The following TTC21B variants were observed in gnomAD, a reference collection of about 807,000 sequenced individuals.
The protein encoded by TTC21B is tetratricopeptide repeat domain 21B.
Under a neutral mutation model 175.1 loss-of-function variants are expected in TTC21B, and 127 were observed. The ratio of observed to expected loss-of-function variants is 0.73; its 90% CI spans 0.63 to 0.84. The LOEUF (loss-of-function observed/expected upper bound fraction) is 0.84. Among genes scored for constraint, TTC21B ranks in the 40% least tolerant of loss-of-function variants. The pLI, the probability that TTC21B is intolerant of heterozygous loss-of-function variation, is 0.00. For synonymous variants in TTC21B, 524 were observed against 524.5 expected (o/e 1.00, Z 0.01); for missense variants, 1,561 against 1,558.3 (o/e 1.00, Z -0.03).
intron 17 of TTC21B, among the ~76,000 whole-genome samples, 170 bp from the exon 18 acceptor site, chr2:165,911,635 G>GATCAT (rs1224489691): frequency 6.6e-6 from 1 of 151,552 alleles, no homozygotes; most frequent in African/African-American, 2.4e-5. Context: ...TCAGAGAATA[G>GATCAT]ATCATCACAT....
rs138361451 is a variant in TTC21B, at chr2:165,898,699, T to C, written c.2937A>G (p.Leu979=). The change falls in exon 22 of 29, where the codon TTA becomes TTG. Residue 979 remains leucine, a synonymous_variant. Transcript: ENST00000243344. The part of the protein sequence containing the change: ...EQAVFHLQQL[L]ERKPDNYMTL... ...GTAGGTATTTACCTGGCTTACGTTC[T>C]AAAAGCTGCTGTAAATGAAACACTG... 1.5e-5 allele frequency: 24 copies of C among 1,611,132 alleles called. No homozygotes were observed. The African/African-American group carries it at 2.8e-4, about 19-fold the overall frequency.
intron 18 of TTC21B, among the ~76,000 whole-genome samples, chr2:165,908,610 G>A (rs1685825478): frequency 6.6e-6 from 1 of 152,076 alleles, no homozygotes; most frequent in African/African-American, 2.4e-5. Flanking sequence ...CTGAGTTTCA[G>A]ATTGCTAAAT....
intron 18 of TTC21B, among the ~76,000 whole-genome samples, chr2:165,909,789 T>C (rs1312350243): frequency 1.3e-5 from 2 of 152,094 alleles, no homozygotes; most frequent in Non-Finnish European, 1.5e-5. Flanking sequence ...AAATCAATTA[T>C]GATATTAAGA....
Position 165,890,909 on chromosome 2 carries a change from T to G in TTC21B, c.3030A>C (p.Ser1010=). ...GKLEDVPRFF[S]MAEKRNSRAK... is the part of the protein sequence containing the mutation. ...CTCTGGAGTTACGTTTCTCAGCCAT[T>G]GAGAAAAATCTTGGGACATCCTCGA... The change falls in exon 23 of 29, where the codon TCA becomes TCC. Residue 1010 remains serine, a synonymous_variant. Transcript: ENST00000243344. 1 of 1,613,426 alleles carries G rather than the reference T, an allele frequency of 6.2e-7. No homozygotes were observed. The highest frequency in any genetic ancestry group is 2.2e-5 in the East Asian group (1 of 44,786).
chr2:165,945,658 C>G lies in TTC21B; in HGVS notation c.295G>C (p.Val99Leu). ...REAILESDAR[V>L]KEQRKGAGEK... Reference sequence around the variant, plus strand: ...CCAGCTCCTTTACGTTGTTCCTTCACTCTGGCATCTGATTCCAGAATAGCT... The same window carrying G: ...CCAGCTCCTTTACGTTGTTCCTTCAGTCTGGCATCTGATTCCAGAATAGCT... The change falls in exon 4 of 29, where the codon GTG becomes CTG. Residue 99 changes from valine to leucine, a missense_variant. Physicochemically the swap from Val to Leu is conservative, Grantham distance 32. Coordinates refer to ENST00000243344, the MANE Select transcript of TTC21B (RefSeq NM_024753.5). 1 of 1,613,568 alleles carries G rather than the reference C, an allele frequency of 6.2e-7. No homozygotes were observed. The highest frequency in any genetic ancestry group is 1.3e-5 in the African/African-American group (1 of 75,042).
intron 6 of TTC21B, among the ~76,000 whole-genome samples, chr2:165,937,658 T>C (rs1687201175): frequency 6.6e-6 from 1 of 152,042 alleles, no homozygotes; most frequent in South Asian, 2.1e-4. Context: ...TATAAAATGA[T>C]ATCTATGAAA....
At chr2:165,915,819 G>C (rs1686149173) in intron 14 of TTC21B, among the ~76,000 whole-genome samples, 2 of 152,176 alleles carry the variant, frequency 1.3e-5, no homozygotes, top group African/African-American at 4.8e-5. Flanking sequence ...CACTTTGGGT[G>C]AATATTCTAC....
Position 165,953,750 on chromosome 2 carries a change from C to G in TTC21B, c.-45G>C, listed in dbSNP as rs1178658718. 2 of 1,542,482 alleles carry G rather than the reference C, an allele frequency of 1.3e-6. No individual in the cohort carries two copies. The highest frequency in any genetic ancestry group is 1.7e-6 in the Non-Finnish European group (2 of 1,143,304). Reference sequence around the variant, plus strand: ...CGCGGGGCTCTGGGGATTGTCTCGCCGCAGCCTAAAGGAAGACGCAGAATT... The same window carrying G: ...CGCGGGGCTCTGGGGATTGTCTCGCGGCAGCCTAAAGGAAGACGCAGAATT... On this transcript the variant is annotated 5_prime_UTR_variant, in exon 1 of 29. Coordinates refer to ENST00000243344, the MANE Select transcript of TTC21B (RefSeq NM_024753.5).
intron 25 of TTC21B, among the ~76,000 whole-genome samples, chr2:165,885,722 C>T (rs1445015372): frequency 2.0e-5 from 3 of 152,190 alleles, no homozygotes; most frequent in South Asian, 2.1e-4. Flanking sequence ...TTGATTAGAA[C>T]GTATCGGTTC....
rs377393942 is a variant in TTC21B at position 165,935,047 on chromosome 2, A to G, written c.711-1990T>C. ...TTTCTGGGCCTGGGCTTTTATGAAA[A>G]GTGGAATGACTTCTCTACATTATCT... On this transcript the variant is annotated intron_variant, in intron 6 of 28. Transcript: ENST00000243344. Among the ~76,000 whole-genome samples, 47 of 152,286 alleles carry G rather than the reference A, an allele frequency of 3.1e-4. No homozygotes were observed. In the South Asian group the frequency reaches 9.5e-3, roughly 31 times the overall value.
At chr2:165,930,934 T>C (rs1686883687) in intron 8 of TTC21B, among the ~76,000 whole-genome samples, 1 of 152,024 alleles carries the variant, frequency 6.6e-6, no homozygotes, top group Admixed American at 6.6e-5. Flanking sequence ...AAGTACATAA[T>C]TTTTCAAGAC....
At chr2:165,907,571 T>G in intron 19 of TTC21B, 107 bp downstream of exon 19, 1 of 726,610 alleles carries the variant, frequency 1.4e-6, no homozygotes, top group Non-Finnish European at 2.5e-6. Flanking sequence ...TGACATATTT[T>G]CTGTAGCTGT....
chr2:165,898,900 C>A, intron 21 of TTC21B, 133 bp from the exon 22 acceptor site: 1 of 687,456 alleles, frequency 1.5e-6, no homozygotes, highest in Non-Finnish European at 2.6e-6. Context: ...AAAAAGGAGG[C>A]ATTTAAGATT....
At chr2:165,914,732 T>C (rs1407536975) in intron 15 of TTC21B, among the ~76,000 whole-genome samples, 1 of 123,836 alleles carries the variant, frequency 8.1e-6, no homozygotes, top group Non-Finnish European at 1.6e-5. Flanking sequence ...GGCATCAGTG[T>C]GACATACTTT....
rs764673965 is a variant in TTC21B, at chr2:165,941,061, G to T, written c.676C>A (p.Gln226Lys). 1.2e-6 allele frequency: 2 copies of T among 1,613,778 alleles called. No individual in the cohort carries two copies. The highest frequency in any genetic ancestry group is 2.2e-5 in the South Asian group (2 of 91,076). The change falls in exon 6 of 29, where the codon CAG becomes AAG. Residue 226 changes from glutamine (Q) to lysine (K), a missense_variant. Gln to Lys is a moderately conservative substitution (Grantham distance 53). Coordinates refer to ENST00000243344, the MANE Select transcript of TTC21B (RefSeq NM_024753.5). ...GTCTCAACTGTCTGGTCCCAATCCT[G>T]CAAGGCTAGTTGTAATTTCATTTTC... ...VKKMKLQLALQDWDQTVETAQ... is the reference protein window; with the variant it reads ...VKKMKLQLALKDWDQTVETAQ...
At position 165,949,412 on chromosome 2, in the gene TTC21B, T is replaced by C; in HGVS notation, c.244A>G (p.Lys82Glu). 1 of 1,612,380 alleles carries C rather than the reference T, an allele frequency of 6.2e-7. No individual in the cohort carries two copies. Among genetic ancestry groups the C allele is most frequent in the African/African-American group, 1.3e-5 (1 of 75,022 alleles). ...ATCATACCTGGATTAGGACTCATTT[T>C]ATGGGCATATATCAGTGCAAGTAGA... is the stretch of plus-strand genomic sequence containing the variant. ...CSLLALIYAH[K>E]MSPNPDREAI... Residue 82 changes from lysine (K) to glutamate (E), a missense_variant, in exon 3 of 29, where the codon AAA becomes GAA. Transcript: ENST00000243344.
At chr2:165,895,106 G>C (rs1685320145) in intron 22 of TTC21B, among the ~76,000 whole-genome samples, 1 of 151,988 alleles carries the variant, frequency 6.6e-6, no homozygotes, top group African/African-American at 2.4e-5. Context: ...TCCCCCAAGA[G>C]GGATATATTT....
intron 6 of TTC21B, among the ~76,000 whole-genome samples, chr2:165,936,845 T>C (rs1416470603): frequency 6.6e-6 from 1 of 152,106 alleles, no homozygotes; most frequent in Non-Finnish European, 1.5e-5. Context: ...CATTCATTGC[T>C]GGTGGGAACA....
At chr2:165,924,441 T>C (rs1016994757) in intron 12 of TTC21B, 108 bp downstream of exon 12, 11 of 1,065,752 alleles carry the variant, frequency 1.0e-5, no homozygotes, top group African/African-American at 8.0e-5. Context: ...ATATAAAATG[T>C]ACATTTTATG....
Sources: gnomAD v4.1 joint callset for allele counts (sites outside exome capture counted in the v4.1 genomes callset) on GRCh38, gnomAD v4.1.1 for gene constraint, MANE v1.5 for transcripts, NCBI Gene and HGNC (gene_info 2026-07-23, HGNC 2026-07-21) for gene names.